Variants in PSMD14 observed in about 807,000 individuals in gnomAD.
PSMD14 encodes the protein ubiquitin C-terminal hydrolase PSMD14.
Under a neutral mutation model 41.2 loss-of-function variants are expected in PSMD14, and 7 were observed. That is an observed-to-expected ratio of 0.17 (90% CI 0.10 to 0.32). PSMD14 has a LOEUF of 0.32. Among genes scored for constraint, PSMD14 ranks in the 10% least tolerant of loss-of-function variants. The pLI is 1.00. For missense variants in PSMD14, 139 were observed against 375.6 expected, an observed-to-expected ratio of 0.37 and a Z score of 5.21; for synonymous variants, 114 against 122.3, an observed-to-expected ratio of 0.93 and a Z score of 0.45.
At chr2:161,315,838 A>G (rs943284563) in intron 1 of PSMD14, among the ~76,000 whole-genome samples, 1 of 123,636 alleles carries the variant, frequency 8.1e-6, no homozygotes, top group Admixed American at 1.0e-4. Context: ...TTTTTATTTT[A>G]TTCTTTTTTT....
In PSMD14 at chr2:161,395,178, TG is replaced by T; in HGVS notation, c.748del (p.Glu250AsnfsTer2). 6.3e-7 allele frequency: 1 copy of T among 1,593,342 alleles called. No individual in the cohort carries two copies. Among genetic ancestry groups the T allele is most frequent in the South Asian group, 1.2e-5 (1 of 86,654 alleles). ...AATGAATCAGTGGTAAAAGAGATGT[TG>T]GAATTAGCCAAGAATTACAATAAGG... is the stretch of plus-strand genomic sequence containing the variant. Reference protein sequence around the residue: ...KHNESVVKEMLELAKNYNKAV... With the variant: ...KHNESVVKEMXELAKNYNKAV... On this transcript the variant is annotated frameshift_variant, in exon 10 of 12. Coordinates refer to ENST00000409682, the MANE Select transcript of PSMD14 (RefSeq NM_005805.6). LOFTEE classifies it high-confidence loss of function.
In PSMD14 at chr2:161,403,194, C is replaced by T. The variant is rs538488775; in HGVS notation, c.772-5643C>T. Among the ~76,000 whole-genome samples, 3 of 152,264 alleles carry T rather than the reference C, an allele frequency of 2.0e-5. No individual in the cohort carries two copies. In the South Asian group the frequency reaches 6.2e-4, roughly 32 times the overall value. ...AACAAATTGAGGTATGTACTTACAACATACTATTACTCAGTCATAAAAAGG... is the reference window on the plus strand; with the variant it reads ...AACAAATTGAGGTATGTACTTACAATATACTATTACTCAGTCATAAAAAGG... On this transcript the variant is annotated intron_variant, in intron 10 of 11. Coordinates refer to ENST00000409682, the MANE Select transcript of PSMD14 (RefSeq NM_005805.6).
intron 7 of PSMD14, chr2:161,381,811 C>T (rs1683574347): frequency 6.6e-6 from 1 of 151,810 alleles, no homozygotes; most frequent in African/African-American, 2.4e-5. Context: ...GTTTTTAAAA[C>T]TATTTTGCTT....
intron 10 of PSMD14, among the ~76,000 whole-genome samples, chr2:161,400,556 T>A (rs1406512655): frequency 3.9e-5 from 6 of 152,194 alleles, no homozygotes; most frequent in African/African-American, 1.4e-4. Context: ...AATTATTATT[T>A]TTATTTTTAT....
At chr2:161,337,788 TGG>T (rs1319202897) in intron 3 of PSMD14, among the ~76,000 whole-genome samples, 2 of 152,226 alleles carry the variant, frequency 1.3e-5, no homozygotes, top group Non-Finnish European at 2.9e-5. Context: ...GATTAGACTA[TGG>T]ATCAGGAGAT....
chr2:161,393,033 G>A (rs992416563), intron 9 of PSMD14, among the ~76,000 whole-genome samples: 11 of 151,988 alleles, frequency 7.2e-5, no homozygotes, highest in Admixed American at 2.0e-4. Context: ...TTATGTTTAT[G>A]TTCTTAATAG....
chr2:161,377,554 T>C (rs1241035582), intron 7 of PSMD14, among the ~76,000 whole-genome samples: 2 of 151,930 alleles, frequency 1.3e-5, no homozygotes, highest in Non-Finnish European at 2.9e-5. Flanking sequence ...CTGCTAGGAA[T>C]GTAGAAATAA....
intron 3 of PSMD14, among the ~76,000 whole-genome samples, chr2:161,347,204 A>G (rs1370934431): frequency 6.6e-6 from 1 of 152,118 alleles, no homozygotes; most frequent in Non-Finnish European, 1.5e-5. Context: ...CTTACAAACT[A>G]TTGTTTCATA....
intron 3 of PSMD14, among the ~76,000 whole-genome samples, chr2:161,353,250 A>G (rs1368297138): frequency 6.6e-6 from 1 of 152,138 alleles, no homozygotes; most frequent in East Asian, 1.9e-4. Context: ...ATAACTGTGT[A>G]TTTATTTTAG....
intron 3 of PSMD14, among the ~76,000 whole-genome samples, chr2:161,335,089 G>A (rs529619012): frequency 6.1e-4 from 93 of 152,284 alleles, no homozygotes; most frequent in African/African-American, 2.2e-3. Flanking sequence ...ACAGAATTCA[G>A]GGAGTTTTTA....
chr2:161,373,055 G>T (rs1388511765), intron 7 of PSMD14, among the ~76,000 whole-genome samples: 1 of 151,266 alleles, frequency 6.6e-6, no homozygotes. Flanking sequence ...TTTTATTTTT[G>T]GTTATCCTTT....
chr2:161,367,705 A>G, intron 4 of PSMD14, 79 bp from the exon 5 acceptor site: 1 of 1,525,538 alleles, frequency 6.6e-7, no homozygotes, highest in Non-Finnish European at 8.8e-7. Flanking sequence ...CTGGAACAAA[A>G]TTTGGTTTTT....
rs530624863 is a variant in PSMD14, at chr2:161,335,220, G to C, written c.48+16347G>C. Among the ~76,000 whole-genome samples the C allele has an allele frequency of 1.1e-4, 16 of 152,284 alleles. 1 individual carries two copies. In the East Asian group the frequency reaches 2.1e-3, roughly 20 times the overall value. On this transcript the variant is annotated intron_variant, in intron 3 of 11. Transcript: ENST00000409682. Reference sequence around the variant, plus strand: ...AATACTAAGTTTCCCTGTTGTCTCTGTTCCCTTCTTTAGAGACAACCTCTG... The same window carrying C: ...AATACTAAGTTTCCCTGTTGTCTCTCTTCCCTTCTTTAGAGACAACCTCTG...
intron 3 of PSMD14, among the ~76,000 whole-genome samples, chr2:161,346,293 T>G (rs535226565): frequency 1.3e-5 from 2 of 152,330 alleles, no homozygotes; most frequent in Admixed American, 1.3e-4. Flanking sequence ...AGTTTTGTCA[T>G]GCCTCTCTGA....
chr2:161,312,701 C>A (rs906519525), intron 1 of PSMD14, among the ~76,000 whole-genome samples: 1 of 152,194 alleles, frequency 6.6e-6, no homozygotes, highest in Non-Finnish European at 1.5e-5. Flanking sequence ...TTTGAGTCTT[C>A]TACTTTTTGA....
chr2:161,354,497 T>C (rs1170061746), intron 3 of PSMD14, among the ~76,000 whole-genome samples: 1 of 28,834 alleles, frequency 3.5e-5, no homozygotes, highest in Non-Finnish European at 6.6e-5. Context: ...TAGTCGAGCA[T>C]TGTGCTTGGT....
At chr2:161,395,296 C>G in intron 10 of PSMD14, 93 bp downstream of exon 10, 1 of 1,164,768 alleles carries the variant, frequency 8.6e-7, no homozygotes, top group East Asian at 2.8e-5. Context: ...AATAGAGAAT[C>G]CTGTTTTGTA....
At chr2:161,398,495 T>C (rs1011606356) in intron 10 of PSMD14, among the ~76,000 whole-genome samples, 3 of 152,088 alleles carry the variant, frequency 2.0e-5, no homozygotes, top group African/African-American at 7.2e-5. Context: ...ACAGTTCTGT[T>C]ACTCCAAGTC....
At chr2:161,316,135 C>T (rs917444413) in intron 1 of PSMD14, among the ~76,000 whole-genome samples, 11 of 152,160 alleles carry the variant, frequency 7.2e-5, no homozygotes, top group African/African-American at 1.9e-4. Context: ...TGAGCCACTG[C>T]GCCCAGCCTG....
Sources: gnomAD v4.1 joint callset for allele counts (sites outside exome capture counted in the v4.1 genomes callset) on GRCh38, gnomAD v4.1.1 for gene constraint, MANE v1.5 for transcripts, NCBI Gene and HGNC (gene_info 2026-07-23, HGNC 2026-07-21) for gene names.